Variants in ADGRL3 observed in about 807,000 individuals in gnomAD.
ADGRL3 encodes the protein calcium-independent alpha-latrotoxin receptor 3.
Under a neutral mutation model 153.5 loss-of-function variants are expected in ADGRL3, and 62 were observed. The observed-to-expected ratio is 0.40, with a 90% CI of 0.33 to 0.50. The LOEUF is 0.50. ADGRL3 is among the 20% of genes least tolerant of loss of function. ADGRL3 has a pLI of 0.47. For synonymous variants in ADGRL3, 710 were observed against 672.5 expected, an observed-to-expected ratio of 1.06 and a Z score of -0.86; for missense variants, 1,641 against 1,859.4, an observed-to-expected ratio of 0.88 and a Z score of 2.16.
chr4:61,847,749 T>TTA lies in ADGRL3; in HGVS notation c.1480+33867_1480+33868dup, dbSNP rs377214996. Among the ~76,000 whole-genome samples, 6 of 38,408 alleles carry TTA rather than the reference T, an allele frequency of 1.6e-4. 1 individual carries two copies. Among genetic ancestry groups the TTA allele is most frequent in the African/African-American group, 5.8e-4 (5 of 8,672 alleles). 25.2% of individuals were successfully genotyped at this position (38,408 alleles called of 152,430 possible). On this transcript the variant is annotated intron_variant, in intron 9 of 26. Transcript: ENST00000683033. ...TATTATATATATAATACAAAATATA[T>TTA]TATATATAATACAAAATATATATAT...
Position 61,730,639 on chromosome 4 carries a change from A to T in ADGRL3, c.598+3A>T. On this transcript the variant is annotated splice_donor_region_variant and intron_variant, in intron 7 of 26. Coordinates refer to ENST00000683033, the MANE Select transcript of ADGRL3 (RefSeq NM_001387552.1). ...TCCAATAGAAGTGGAACAAAAAGGT[A>T]ATTAAATACCTTTCATAAATTATAT... 1.8e-6 allele frequency: 1 copy of T among 563,740 alleles called. No individual in the cohort carries two copies. The highest frequency in any genetic ancestry group is 2.9e-6 in the Non-Finnish European group (1 of 340,466). The allele number at this position is 563,740 out of a possible 1,614,324, so 34.9% of individuals were successfully genotyped here. A position where few individuals can be genotyped will look rare whatever the true frequency, so the allele number is the denominator to read the frequency against.
intron 2 of ADGRL3, among the ~76,000 whole-genome samples, chr4:61,418,706 CA>C (rs1271120462): frequency 4.0e-5 from 6 of 150,758 alleles, no homozygotes; most frequent in Non-Finnish European, 5.9e-5. Flanking sequence ...AATCTTTGTT[CA>C]TTTTTAAATA....
chr4:61,862,047 A>G (rs2098345889), intron 9 of ADGRL3, among the ~76,000 whole-genome samples: 1 of 152,202 alleles, frequency 6.6e-6, no homozygotes, highest in African/African-American at 2.4e-5. Context: ...TCACTTTGGG[A>G]ACATTCTACT....
chr4:61,352,002 G>A (rs867674464), intron 1 of ADGRL3, among the ~76,000 whole-genome samples: 27 of 152,250 alleles, frequency 1.8e-4, no homozygotes, highest in Non-Finnish European at 2.9e-4. Flanking sequence ...ATGGATTCAG[G>A]CAAAGTAAAT....
intron 1 of ADGRL3, among the ~76,000 whole-genome samples, chr4:61,209,747 C>G (rs1739034207): frequency 6.6e-6 from 1 of 152,074 alleles, no homozygotes; most frequent in Non-Finnish European, 1.5e-5. Flanking sequence ...AATACTGTGT[C>G]CGAAGATTGA....
chr4:61,726,896 A>G (rs569804009), intron 6 of ADGRL3, among the ~76,000 whole-genome samples: 137 of 152,254 alleles, frequency 9.0e-4, no homozygotes, highest in African/African-American at 3.0e-3. Flanking sequence ...TATGATTTTT[A>G]TAGTTTAAAA....
At chr4:61,721,366 C>T (rs1001192303) in intron 6 of ADGRL3, among the ~76,000 whole-genome samples, 1 of 152,120 alleles carries the variant, frequency 6.6e-6, no homozygotes, top group Non-Finnish European at 1.5e-5. Context: ...CTGATGTAAG[C>T]CCAAGGGTCC....
chr4:61,561,991 A>G (rs781304842), intron 4 of ADGRL3, among the ~76,000 whole-genome samples: 1 of 151,820 alleles, frequency 6.6e-6, no homozygotes, highest in South Asian at 2.1e-4. Context: ...ATCTATATCT[A>G]TATCTATATG....
intron 8 of ADGRL3, among the ~76,000 whole-genome samples, chr4:61,750,781 C>T (rs1202121829): frequency 3.4e-5 from 4 of 116,908 alleles, no homozygotes; most frequent in East Asian, 2.8e-4. Flanking sequence ...CAGAGCGAGA[C>T]TCCGTCTCAA....
chr4:61,296,145 G>A (rs2094404151), intron 1 of ADGRL3, among the ~76,000 whole-genome samples: 1 of 152,140 alleles, frequency 6.6e-6, no homozygotes, highest in Admixed American at 6.5e-5. Flanking sequence ...TTTTAAAATA[G>A]ACACTAATTT....
chr4:61,307,433 G>A (rs2094832690), intron 1 of ADGRL3, among the ~76,000 whole-genome samples: 1 of 152,180 alleles, frequency 6.6e-6, no homozygotes, highest in East Asian at 1.9e-4. Context: ...AATTCACGTA[G>A]CAAATGAATC....
chr4:61,312,197 C>T (rs2095041478), intron 1 of ADGRL3, among the ~76,000 whole-genome samples: 3 of 152,072 alleles, frequency 2.0e-5, no homozygotes, highest in African/African-American at 4.8e-5. Flanking sequence ...GCTGGTGCTG[C>T]AATAACTAGA....
At chr4:61,295,040 A>T (rs2094359900) in intron 1 of ADGRL3, among the ~76,000 whole-genome samples, 1 of 152,096 alleles carries the variant, frequency 6.6e-6, no homozygotes, top group African/African-American at 2.4e-5. Flanking sequence ...AACAATTCAT[A>T]TGTTTTAAAT....
At chr4:61,332,886 G>T (rs555455201) in intron 1 of ADGRL3, among the ~76,000 whole-genome samples, 1 of 152,052 alleles carries the variant, frequency 6.6e-6, no homozygotes, top group East Asian at 1.9e-4. Flanking sequence ...CTGACGATTG[G>T]GTTGCTGGCA....
rs566976650 is a variant in ADGRL3 at position 61,406,794 on chromosome 4, T to C, written c.-174+23605T>C. Among the ~76,000 whole-genome samples the C allele has an allele frequency of 7.2e-4, 109 of 152,066 alleles. 1 individual carries two copies. In the South Asian group the frequency reaches 0.022, roughly 30 times the overall value. Reference sequence around the variant, plus strand: ...CAACTTATTCAGCATGCCAGGTTGGTAAAAATATAAAACACTGTTAGTATT... The same window carrying C: ...CAACTTATTCAGCATGCCAGGTTGGCAAAAATATAAAACACTGTTAGTATT... On this transcript the variant is annotated intron_variant, in intron 2 of 26. Transcript: ENST00000683033.
chr4:61,387,139 C>G (rs1191468898), intron 2 of ADGRL3, among the ~76,000 whole-genome samples: 3 of 151,936 alleles, frequency 2.0e-5, no homozygotes, highest in African/African-American at 7.3e-5. Flanking sequence ...TGGTAGGACC[C>G]GTGATACCCT....
chr4:61,396,805 T>C (rs1400200891), intron 2 of ADGRL3, among the ~76,000 whole-genome samples: 1 of 151,846 alleles, frequency 6.6e-6, no homozygotes, highest in Non-Finnish European at 1.5e-5. Context: ...AACATGTATT[T>C]TCATAGTACT....
chr4:61,626,166 G>A (rs1236672732), intron 5 of ADGRL3, among the ~76,000 whole-genome samples: 1 of 151,766 alleles, frequency 6.6e-6, no homozygotes, highest in Non-Finnish European at 1.5e-5. Context: ...TGTGATTTAA[G>A]GATTTATTTT....
chr4:61,222,837 A>C (rs1175247709), intron 1 of ADGRL3, among the ~76,000 whole-genome samples: 1 of 152,152 alleles, frequency 6.6e-6, no homozygotes, highest in East Asian at 1.9e-4. Context: ...ATTTCCTCTT[A>C]GGGGTCCTTA....
Sources: allele counts gnomAD v4.1 joint callset (sites outside exome capture counted in the v4.1 genomes callset), GRCh38; gene constraint gnomAD v4.1.1; transcripts MANE v1.5; gene names NCBI Gene and HGNC (gene_info 2026-07-23, HGNC 2026-07-21).